The following ENG variants were observed in gnomAD, a reference collection of about 807,000 sequenced individuals.
ENG encodes endoglin, also known as CD105 antigen.
ENG carries 17 observed loss-of-function variants against 71.0 expected under a neutral mutation model. The observed-to-expected ratio is 0.24, with a 90% CI of 0.16 to 0.36. The LOEUF is 0.36. Among genes scored for constraint, ENG ranks in the 10% least tolerant of loss-of-function variants. The pLI is 1.00. For missense variants in ENG, 749 were observed against 868.3 expected (o/e 0.86, Z 1.73); for synonymous variants, 360 against 366.9 (o/e 0.98, Z 0.21).
intron 3 of ENG, 53 bp downstream of exon 3, chr9:127,829,634 A>G: frequency 6.2e-7 from 1 of 1,610,166 alleles, no homozygotes; most frequent in Non-Finnish European, 8.5e-7. Context: ...GATGGACAGT[A>G]GGGACCTCCC....
At position 127,816,148 on chromosome 9, in the gene ENG, G is replaced by A. The variant is rs1440313317; in HGVS notation, c.1742-95C>T. On this transcript the variant is annotated intron_variant, in intron 13 of 14. Transcript: ENST00000373203. ...CCATGTGGGCTTTGGTGCCAGCTCT[G>A]CTCAGCCATGGACCCTCGACTTCTC... The A allele has an allele frequency of 2.7e-6, 4 of 1,458,742 alleles. No individual in the cohort carries two copies. In the African/African-American group the frequency reaches 5.6e-5, roughly 20 times the overall value. 90.4% of individuals were successfully genotyped at this position (1,458,742 alleles called of 1,614,324 possible).
chr9:127,847,868 C>T (rs892803500), intron 1 of ENG, among the ~76,000 whole-genome samples: 11 of 152,186 alleles, frequency 7.2e-5, no homozygotes, highest in Non-Finnish European at 1.3e-4. Flanking sequence ...CAGGAGGTCT[C>T]AGCATGCCTT....
intron 8 of ENG, among the ~76,000 whole-genome samples, chr9:127,822,894 G>A (rs41506945): frequency 2.8e-4 from 42 of 152,284 alleles, no homozygotes; most frequent in African/African-American, 9.9e-4. Flanking sequence ...AGGCTGGAGT[G>A]CAGTGGCACA....
At chr9:127,849,066 C>T (rs1481497437) in intron 1 of ENG, among the ~76,000 whole-genome samples, 1 of 152,150 alleles carries the variant, frequency 6.6e-6, no homozygotes. Context: ...TGACCTAAGT[C>T]ACCTTTAGTT....
rs997493323 is a variant in ENG at position 127,828,019 on chromosome 9, C to CAAAAA, written c.361-1352_361-1348dup. Among the ~76,000 whole-genome samples, 88 of 31,166 alleles carry CAAAAA rather than the reference C, an allele frequency of 2.8e-3. 6 individuals are homozygous for CAAAAA. Among genetic ancestry groups the CAAAAA allele is most frequent in the African/African-American group, 9.7e-3 (72 of 7,422 alleles). 20.4% of individuals were successfully genotyped at this position (31,166 alleles called of 152,430 possible). ...GGGCAACAAGAGTGAAACTCCATCT[C>CAAAAA]AAAAAAAAAAAAAAAAAAAAAAAAA... On this transcript the variant is annotated intron_variant, in intron 3 of 14. Transcript: ENST00000373203.
chr9:127,845,829 C>T (rs573276236), intron 1 of ENG, among the ~76,000 whole-genome samples: 1 of 152,342 alleles, frequency 6.6e-6, no homozygotes, highest in South Asian at 2.1e-4. Context: ...GCCTCAGCCT[C>T]CCAAGTAGTT....
chr9:127,844,834 T>C (rs1045446169), intron 1 of ENG, among the ~76,000 whole-genome samples: 2 of 152,182 alleles, frequency 1.3e-5, no homozygotes, highest in Non-Finnish European at 2.9e-5. Context: ...GAGACAAAGC[T>C]TCCCCTCTCT....
intron 2 of ENG, among the ~76,000 whole-genome samples, chr9:127,839,698 G>A (rs968524498): frequency 1.3e-5 from 2 of 152,150 alleles, no homozygotes; most frequent in African/African-American, 4.8e-5. Context: ...TGGGATTACA[G>A]GCACCTGCCA....
At chr9:127,825,605 T>G (rs1378748443) in intron 5 of ENG, 90 bp downstream of exon 5, 21 of 1,212,150 alleles carry the variant, frequency 1.7e-5, no homozygotes, top group Non-Finnish European at 1.1e-6. Flanking sequence ...GGGGTGGGGC[T>G]TTATAAGGGA....
At chr9:127,822,799 A>T (rs539147646) in intron 8 of ENG, among the ~76,000 whole-genome samples, 41 of 152,280 alleles carry the variant, frequency 2.7e-4, no homozygotes, top group African/African-American at 9.6e-4. Flanking sequence ...TTTGTGTCAG[A>T]AGGTTAAGAT....
chr9:127,825,690 C>T lies in ENG; in HGVS notation c.689+5G>A. ...CTAGTGTCAGGGGCGGGGCGAGAGCCATACCCGGCCGAGTGGCCCGGCAGG... is the reference window on the plus strand; with the variant it reads ...CTAGTGTCAGGGGCGGGGCGAGAGCTATACCCGGCCGAGTGGCCCGGCAGG... On this transcript the variant is annotated splice_donor_5th_base_variant and intron_variant, in intron 5 of 14. Coordinates refer to ENST00000373203, the MANE Select transcript of ENG (RefSeq NM_001114753.3). The T allele has an allele frequency of 6.4e-7, 1 of 1,573,824 alleles. No homozygotes were observed. The highest frequency in any genetic ancestry group is 8.6e-7 in the Non-Finnish European group (1 of 1,164,436).
chr9:127,824,633 T>A (rs1477337278), intron 7 of ENG, among the ~76,000 whole-genome samples, 167 bp downstream of exon 7: 2 of 149,726 alleles, frequency 1.3e-5, no homozygotes, highest in Admixed American at 6.8e-5. Context: ...ATTCTCAGGC[T>A]CTTCTATGAT....
At chr9:127,816,895 G>T (rs749080615) in intron 13 of ENG, 5 of 574,876 alleles carry the variant, frequency 8.7e-6, no homozygotes, top group South Asian at 4.0e-5. Context: ...AGCCGTGAGT[G>T]GGGGCAGAGG....
chr9:127,833,259 C>T (rs771024405), intron 2 of ENG, among the ~76,000 whole-genome samples: 5 of 152,212 alleles, frequency 3.3e-5, no homozygotes, highest in African/African-American at 4.8e-5. Context: ...TGGTGGCTTA[C>T]GCCTGTAATC....
At chr9:127,820,349 A>G (rs1486383549) in intron 8 of ENG, among the ~76,000 whole-genome samples, 1 of 151,458 alleles carries the variant, frequency 6.6e-6, no homozygotes, top group Admixed American at 6.6e-5. Context: ...ACGTGCCACC[A>G]TGCCCGGCTA....
At chr9:127,824,512 CTTTTTT>C (rs71380096) in intron 7 of ENG, 66 bp from the exon 8 acceptor site, 793 of 685,098 alleles carry the variant, frequency 1.2e-3, no homozygotes, top group African/African-American at 2.0e-3. Context: ...CCGCACCAGG[CTTTTTT>C]TTTTTTTTTT....
At chr9:127,816,466 CT>C (rs1830319254) in intron 13 of ENG, 1 of 329,566 alleles carries the variant, frequency 3.0e-6, no homozygotes, top group Admixed American at 3.9e-5. Context: ...TCCGAGTGCC[CT>C]GCAGCTCTGC....
At chr9:127,819,725 T>C in intron 9 of ENG, 65 bp from the exon 10 acceptor site, 1 of 1,585,378 alleles carries the variant, frequency 6.3e-7, no homozygotes, top group East Asian at 2.3e-5. Context: ...TCCCACCCAA[T>C]ACGCCCATTT....
At chr9:127,818,512 T>C in intron 11 of ENG, 135 bp from the exon 12 acceptor site, 1 of 1,512,020 alleles carries the variant, frequency 6.6e-7, no homozygotes, top group Non-Finnish European at 9.0e-7. Context: ...CATGGACCTG[T>C]CTGGGGCAGA....
Sources: allele counts gnomAD v4.1 joint callset (sites outside exome capture counted in the v4.1 genomes callset), GRCh38; gene constraint gnomAD v4.1.1; transcripts MANE v1.5; gene names NCBI Gene and HGNC (gene_info 2026-07-23, HGNC 2026-07-21).